The following UBN1 variants were observed in gnomAD, a reference collection of about 807,000 sequenced individuals.
UBN1 encodes ubinuclein 1.
In UBN1, 17 loss-of-function variants were observed where a neutral mutation model predicts 108.5. The observed-to-expected ratio is 0.16, with a 90% confidence interval of 0.11 to 0.24. The LOEUF is 0.24. UBN1 is among the 10% of genes least tolerant of loss of function. The probability of loss-of-function intolerance (pLI) is 1.00; values close to 1 mark genes in which losing one functional copy is unlikely to be tolerated. For synonymous variants in UBN1, 726 were observed against 564.2 expected (o/e 1.29, Z -4.07); for missense variants, 1,595 against 1,394.4 (o/e 1.14, Z -2.29).
intron 8 of UBN1, among the ~76,000 whole-genome samples, chr16:4,869,935 G>A (rs1234382253): frequency 1.3e-5 from 2 of 152,140 alleles, no homozygotes; most frequent in African/African-American, 4.8e-5. Flanking sequence ...ATGAAATTTA[G>A]TGCTTCAGAG....
Position 4,874,492 on chromosome 16 carries a change from A to C in UBN1, c.2082A>C (p.Thr694=). 1 of 1,614,230 alleles carries C rather than the reference A, an allele frequency of 6.2e-7. No homozygotes were observed. ...NSRAAGNSEF[T]LPAPSKAPAE... is the part of the protein sequence containing the mutation. ...GAGCAGCTGGGAACTCTGAATTCAC[A>C]CTGCCTGCACCCTCAAAAGCACCTG... is the stretch of plus-strand genomic sequence containing the variant. Residue 694 remains threonine, a synonymous_variant, in exon 15 of 18, where the codon ACA becomes ACC. Coordinates refer to ENST00000262376, the MANE Select transcript of UBN1 (RefSeq NM_001079514.3).
intron 1 of UBN1, 116 bp downstream of exon 1, chr16:4,848,326 C>G (rs1355711073): frequency 6.6e-6 from 1 of 152,252 alleles, no homozygotes; most frequent in Non-Finnish European, 1.5e-5. Flanking sequence ...CACTTTAAAA[C>G]TGAACCATGA....
chr16:4,876,648 A>C (rs1225724474), intron 15 of UBN1, among the ~76,000 whole-genome samples: 2 of 152,156 alleles, frequency 1.3e-5, no homozygotes, highest in Non-Finnish European at 2.9e-5. Flanking sequence ...CTTTTAAAAA[A>C]ATTATGTTCC....
chr16:4,877,598 T>C lies in UBN1; in HGVS notation c.3355+124T>C. The C allele has an allele frequency of 7.0e-7, 1 of 1,432,308 alleles. No homozygotes were observed. The highest frequency in any genetic ancestry group is 9.1e-7 in the Non-Finnish European group (1 of 1,097,228). The allele number at this position is 1,432,308 out of a possible 1,614,324, so 88.7% of individuals were successfully genotyped here. On this transcript the variant is annotated intron_variant, in intron 17 of 17. Coordinates refer to ENST00000262376, the MANE Select transcript of UBN1 (RefSeq NM_001079514.3). The surrounding 1 kb of genome is among the most constrained non-coding windows in gnomAD (Gnocchi z 4.3). ...TTGACGCTGTTGTTGTTTTGGTTTG[T>C]CCTTTGAGGCTGTGCTTTGTCAGTA...
At chr16:4,875,508 C>A in intron 15 of UBN1, 74 bp downstream of exon 15, 1 of 1,530,576 alleles carries the variant, frequency 6.5e-7, no homozygotes, top group South Asian at 1.3e-5. Context: ...TGCCTTGCCC[C>A]GGGTGGAGAG....
intron 3 of UBN1, 40 bp from the exon 4 acceptor site, chr16:4,858,528 T>C (rs757452992): frequency 2.5e-6 from 4 of 1,581,436 alleles, no homozygotes; most frequent in Non-Finnish European, 3.5e-6. Context: ...TTCTGTGTGT[T>C]TATTCAAAAA....
rs2088081802 is a variant in UBN1 at position 4,881,753 on chromosome 16, T to A, written c.*1621T>A. On this transcript the variant is annotated 3_prime_UTR_variant, in exon 18 of 18. Coordinates refer to ENST00000262376, the MANE Select transcript of UBN1 (RefSeq NM_001079514.3). ...TTCCTTATCCCTTTGTTATATATAT[T>A]TTTTGCAACTTGGATTTCCAGTTTG... The A allele has an allele frequency of 6.6e-6, 1 of 152,422 alleles. No homozygotes were observed. The highest frequency in any genetic ancestry group is 1.5e-5 in the Non-Finnish European group (1 of 68,038). The allele number at this position is 152,422 out of a possible 1,614,324, so 9.4% of individuals were successfully genotyped here.
chr16:4,870,921 G>A lies in UBN1; in HGVS notation c.1508G>A (p.Gly503Asp). The part of the protein sequence containing the change: ...SDEEEDEEKG[G>D]RRIMGPRKKF... ...GAGGAAGAAGATGAAGAAAAAGGGG[G>A]CAGGAGGATAATGGGACCTCGGAAG... The change falls in exon 11 of 18, where the codon GGC (glycine) becomes GAC (aspartate). Residue 503 changes from glycine to aspartate, a missense_variant. By Grantham distance (94) the Gly-to-Asp change is moderately conservative. This residue lies in a region of UBN1 where 1,398 missense variants were observed against 1,194.7 expected (regional missense o/e 1.17). Transcript: ENST00000262376. The A allele has an allele frequency of 6.2e-7, 1 of 1,614,130 alleles. No individual in the cohort carries two copies. Among genetic ancestry groups the A allele is most frequent in the Non-Finnish European group, 8.5e-7 (1 of 1,180,016 alleles).
chr16:4,857,899 TA>T (rs754693455), intron 2 of UBN1, 90 bp from the exon 3 acceptor site: 58 of 896,734 alleles, frequency 6.5e-5, no homozygotes, highest in Non-Finnish European at 1.0e-4. Flanking sequence ...ACATTGTTTT[TA>T]TAGAGGTATT....
At position 4,877,591 on chromosome 16, in the gene UBN1, T is replaced by C; in HGVS notation, c.3355+117T>C. The C allele has an allele frequency of 6.9e-7, 1 of 1,443,088 alleles. No individual in the cohort carries two copies. Among genetic ancestry groups the C allele is most frequent in the Non-Finnish European group, 9.1e-7 (1 of 1,102,482 alleles). 89.4% of individuals were successfully genotyped at this position (1,443,088 alleles called of 1,614,324 possible). The stretch of plus-strand genomic sequence containing the variant: ...CTTTGCCTTGACGCTGTTGTTGTTT[T>C]GGTTTGTCCTTTGAGGCTGTGCTTT... On this transcript the variant is annotated intron_variant, in intron 17 of 17. Coordinates refer to ENST00000262376, the MANE Select transcript of UBN1 (RefSeq NM_001079514.3). The surrounding 1 kb of genome is among the most constrained non-coding windows in gnomAD (Gnocchi z 4.3).
chr16:4,849,097 G>T (rs1173270593), intron 1 of UBN1, among the ~76,000 whole-genome samples: 1 of 151,960 alleles, frequency 6.6e-6, no homozygotes, highest in Admixed American at 6.6e-5. Flanking sequence ...AGCGAGACTC[G>T]TCCCCCCGCC....
intron 2 of UBN1, among the ~76,000 whole-genome samples, chr16:4,855,812 G>A (rs1478030030): frequency 6.6e-6 from 1 of 152,020 alleles, no homozygotes; most frequent in African/African-American, 2.4e-5. Context: ...CCAGCTACTC[G>A]GTAGGCTGAG....
At chr16:4,853,416 A>T (rs1009649969) in intron 2 of UBN1, among the ~76,000 whole-genome samples, 10 of 152,096 alleles carry the variant, frequency 6.6e-5, no homozygotes, top group African/African-American at 2.4e-4. Flanking sequence ...AAGGTTATAA[A>T]CGTTATGTGT....
intron 12 of UBN1, among the ~76,000 whole-genome samples, chr16:4,872,557 C>T (rs2087699111): frequency 6.6e-6 from 1 of 152,218 alleles, no homozygotes; most frequent in Admixed American, 6.5e-5. Flanking sequence ...CAACCTCCGC[C>T]TCCCCGGTTT....
At chr16:4,879,107 G>A (rs780671386) in intron 17 of UBN1, among the ~76,000 whole-genome samples, 26 of 152,192 alleles carry the variant, frequency 1.7e-4, no homozygotes, top group Non-Finnish European at 2.8e-4. Context: ...CCACTGTAGG[G>A]TGACTGTAGT....
chr16:4,872,807 G>T (rs2087710452), intron 12 of UBN1, 77 bp from the exon 13 acceptor site: 3 of 1,536,972 alleles, frequency 2.0e-6, no homozygotes, highest in Non-Finnish European at 2.7e-6. Context: ...GAGGACCAGG[G>T]ACACTAGCAA....
Position 4,859,099 on chromosome 16 carries a change from T to A in UBN1, c.507T>A (p.Phe169Leu). Reference sequence around the variant, plus strand: ...ACATTAACTCGGGAACCCTGCAGTTTAGACAAGCATCAGAGTCTGAAGATG... The same window carrying A: ...ACATTAACTCGGGAACCCTGCAGTTAAGACAAGCATCAGAGTCTGAAGATG... ...GFYINSGTLQ[F>L]RQASESEDDF... Residue 169 changes from phenylalanine to leucine, a missense_variant, in exon 5 of 18, where the codon TTT becomes TTA. By Grantham distance (22) the Phe-to-Leu change is conservative. Around this residue, in one of 3 missense-constraint regions of UBN1, gnomAD observed 1,398 missense variants for 1,194.7 expected, o/e 1.17. Transcript: ENST00000262376. 1 of 1,614,204 alleles carries A rather than the reference T, an allele frequency of 6.2e-7. No individual in the cohort carries two copies. Among genetic ancestry groups the A allele is most frequent in the Non-Finnish European group, 8.5e-7 (1 of 1,180,028 alleles).
At chr16:4,855,828 A>G (rs1034761059) in intron 2 of UBN1, among the ~76,000 whole-genome samples, 5 of 152,186 alleles carry the variant, frequency 3.3e-5, no homozygotes, top group Non-Finnish European at 5.9e-5. Flanking sequence ...CTGAGGCAGG[A>G]TAATTGCTTG....
At chr16:4,856,654 G>C (rs770152265) in intron 2 of UBN1, among the ~76,000 whole-genome samples, 2 of 151,064 alleles carry the variant, frequency 1.3e-5, no homozygotes, top group Non-Finnish European at 1.5e-5. Flanking sequence ...CCGTCATACA[G>C]TCAGGAAATG....
Sources: gnomAD v4.1 joint callset for allele counts (sites outside exome capture counted in the v4.1 genomes callset) on GRCh38, gnomAD v4.1.1 for gene constraint, gnomAD v4.1.1 regional missense constraint, Gnocchi (gnomAD v3.1) non-coding constraint, MANE v1.5 for transcripts, NCBI Gene and HGNC (gene_info 2026-07-23, HGNC 2026-07-21) for gene names.